Variants in GRM8 observed in about 807,000 individuals in gnomAD.
GRM8 encodes glutamate metabotropic receptor 8.
A neutral mutation model predicts 87.2 loss-of-function variants in GRM8; 47 were observed. The ratio of observed to expected loss-of-function variants is 0.54; its 90% CI spans 0.43 to 0.69. The LOEUF (loss-of-function observed/expected upper bound fraction) is 0.69, where lower values mean the gene tolerates loss of function less well. Ranked by LOEUF, GRM8 falls within the 30% of genes least tolerant of loss-of-function variation. GRM8 has a pLI of 0.00. For missense variants in GRM8, 1,019 were observed against 1,139.2 expected (o/e 0.89, Z 1.52); for synonymous variants, 396 against 404.5 (o/e 0.98, Z 0.25).
chr7:126,653,700 G>T (rs981443934), intron 7 of GRM8, among the ~76,000 whole-genome samples: 1 of 152,108 alleles, frequency 6.6e-6, no homozygotes, highest in African/African-American at 2.4e-5. Flanking sequence ...TAATAGTCCA[G>T]GGCAATTAAT....
intron 6 of GRM8, among the ~76,000 whole-genome samples, chr7:126,884,244 A>G (rs1172234357): frequency 1.3e-5 from 2 of 152,160 alleles, no homozygotes; most frequent in South Asian, 2.1e-4. Flanking sequence ...CATTAAGAGC[A>G]TTTTCCACAA....
At chr7:127,249,868 G>C (rs1165955154) in intron 1 of GRM8, among the ~76,000 whole-genome samples, 1 of 152,092 alleles carries the variant, frequency 6.6e-6, no homozygotes, top group East Asian at 1.9e-4. Flanking sequence ...CTGAACCTCC[G>C]CAAGCCAGCC....
At chr7:127,007,525 A>G (rs1376511358) in intron 3 of GRM8, among the ~76,000 whole-genome samples, 3 of 152,066 alleles carry the variant, frequency 2.0e-5, no homozygotes, top group Non-Finnish European at 2.9e-5. Flanking sequence ...TTTGACTTCT[A>G]GCAATGTTTT....
chr7:126,961,629 C>T (rs1282800677), intron 3 of GRM8, among the ~76,000 whole-genome samples: 1 of 152,196 alleles, frequency 6.6e-6, no homozygotes, highest in Non-Finnish European at 1.5e-5. Flanking sequence ...TGCTCTCAGA[C>T]ACAGCAGATC....
chr7:126,814,603 C>A (rs1793600699), intron 6 of GRM8, among the ~76,000 whole-genome samples: 1 of 151,980 alleles, frequency 6.6e-6, no homozygotes, highest in Non-Finnish European at 1.5e-5. Context: ...ACCTAAAACC[C>A]CTGCATTCTT....
intron 8 of GRM8, among the ~76,000 whole-genome samples, chr7:126,580,374 T>G (rs1192628461): frequency 6.6e-6 from 1 of 152,170 alleles, no homozygotes; most frequent in Non-Finnish European, 1.5e-5. Context: ...CTACCCCTGG[T>G]ATTTCCTATC....
intron 6 of GRM8, among the ~76,000 whole-genome samples, chr7:126,792,194 A>G (rs1585953884): frequency 1.3e-5 from 2 of 152,208 alleles, no homozygotes; most frequent in African/African-American, 2.4e-5. Flanking sequence ...TGGCCTCTCC[A>G]TATCTGGTCA....
At chr7:127,194,899 G>A (rs952219870) in intron 2 of GRM8, among the ~76,000 whole-genome samples, 2 of 152,136 alleles carry the variant, frequency 1.3e-5, no homozygotes, top group Non-Finnish European at 2.9e-5. Flanking sequence ...TTACAAACAG[G>A]TGTCTAAATC....
At chr7:126,790,121 C>A (rs1240511532) in intron 6 of GRM8, among the ~76,000 whole-genome samples, 2 of 152,042 alleles carry the variant, frequency 1.3e-5, no homozygotes, top group African/African-American at 4.8e-5. Flanking sequence ...GATTCTCCTG[C>A]CTCAGCCTCC....
At chr7:126,456,837 T>G (rs1171872259) in intron 9 of GRM8, among the ~76,000 whole-genome samples, 1 of 151,510 alleles carries the variant, frequency 6.6e-6, no homozygotes, top group Non-Finnish European at 1.5e-5. Flanking sequence ...ACATCTACAT[T>G]TTTTTAAAAT....
At chr7:126,723,019 T>G (rs1812591730) in intron 7 of GRM8, among the ~76,000 whole-genome samples, 1 of 144,770 alleles carries the variant, frequency 6.9e-6, no homozygotes, top group African/African-American at 2.6e-5. Flanking sequence ...TACATATATA[T>G]AAATTATATA....
At chr7:127,017,959 CA>C (rs1815853278) in intron 3 of GRM8, among the ~76,000 whole-genome samples, 1 of 151,866 alleles carries the variant, frequency 6.6e-6, no homozygotes. Flanking sequence ...TTAATTTATT[CA>C]AATATTTATT....
chr7:126,738,401 T>C (rs1814490223), intron 7 of GRM8, among the ~76,000 whole-genome samples: 1 of 152,110 alleles, frequency 6.6e-6, no homozygotes, highest in African/African-American at 2.4e-5. Flanking sequence ...GTTTGCAAGA[T>C]ATTTCATTAC....
At chr7:126,582,952 G>T (rs760583099) in intron 8 of GRM8, among the ~76,000 whole-genome samples, 7 of 152,224 alleles carry the variant, frequency 4.6e-5, no homozygotes, top group African/African-American at 1.7e-4. Flanking sequence ...CAAAGCTCCA[G>T]TGGAGATATA....
chr7:126,914,567 A>C (rs912889952), intron 3 of GRM8, among the ~76,000 whole-genome samples: 1 of 152,244 alleles, frequency 6.6e-6, no homozygotes, highest in Non-Finnish European at 1.5e-5. Context: ...GTAGCTATAC[A>C]CTGTGTAATG....
At chr7:126,893,535 G>T (rs1801264361) in intron 6 of GRM8, among the ~76,000 whole-genome samples, 1 of 151,866 alleles carries the variant, frequency 6.6e-6, no homozygotes, top group Non-Finnish European at 1.5e-5. Context: ...CTACATCACT[G>T]TAATGAAGAA....
intron 9 of GRM8, among the ~76,000 whole-genome samples, chr7:126,522,497 T>G (rs1426498886): frequency 1.3e-5 from 2 of 152,208 alleles, no homozygotes; most frequent in Non-Finnish European, 2.9e-5. Flanking sequence ...CTGACTATCC[T>G]TGTTTTATAG....
intron 3 of GRM8, among the ~76,000 whole-genome samples, chr7:127,059,318 T>C (rs17861401): frequency 8.3e-5 from 12 of 144,256 alleles, no homozygotes; most frequent in Admixed American, 2.1e-4. Context: ...TTCATATAAA[T>C]TTTTTTTTTT....
chr7:126,789,308 T>G (rs974826063), intron 6 of GRM8, among the ~76,000 whole-genome samples: 2 of 152,138 alleles, frequency 1.3e-5, no homozygotes, highest in African/African-American at 2.4e-5. Context: ...AGGCATTTTT[T>G]TTTCCTGTAG....
Sources: allele counts gnomAD v4.1 joint callset (sites outside exome capture counted in the v4.1 genomes callset), GRCh38; gene constraint gnomAD v4.1.1; transcripts MANE v1.5; gene names NCBI Gene and HGNC (gene_info 2026-07-23, HGNC 2026-07-21).